The following LRRC57 variants were observed in gnomAD, a reference collection of about 807,000 sequenced individuals.
The protein encoded by LRRC57 is leucine-rich repeat-containing protein 57.
In LRRC57, 14 loss-of-function variants were observed where a neutral mutation model predicts 23.1. That is an observed-to-expected ratio of 0.61 (90% CI 0.40 to 0.95). The LOEUF (loss-of-function observed/expected upper bound fraction) is 0.95, where lower values mean the gene tolerates loss of function less well. LRRC57 is among the 40% of genes least tolerant of loss of function. The pLI, the probability that LRRC57 is intolerant of heterozygous loss-of-function variation, is 0.00. For missense variants in LRRC57, 236 were observed against 284.4 expected (o/e 0.83, Z 1.22); for synonymous variants, 106 against 115.2 (o/e 0.92, Z 0.51).
chr15:42,536,157 CCATAA>C (rs76399891), downstream of LRRC57, among the ~76,000 whole-genome samples: 24,595 of 152,016 alleles, frequency 0.16, 2,214 homozygotes, highest in African/African-American at 0.24. Context: ...TCACAGATCA[CCATAA>C]CATATCATAA....
chr15:42,531,535 T>A, the LRRC57 span: 1 of 1,357,272 alleles, frequency 7.4e-7, no homozygotes, highest in Non-Finnish European at 1.0e-6. Context: ...CCTTGAAAGT[T>A]ATTACCTTTT....
Position 42,541,605 on chromosome 15 carries a change from T to C in LRRC57, c.*2478A>G, listed in dbSNP as rs1050927975. 1 of 152,204 alleles carries C rather than the reference T, an allele frequency of 6.6e-6. No individual in the cohort carries two copies. Among genetic ancestry groups the C allele is most frequent in the Non-Finnish European group, 1.5e-5 (1 of 68,026 alleles). The allele number at this position is 152,204 out of a possible 1,614,324, so 9.4% of individuals were successfully genotyped here. ...AGGTTTGTGTGATCTCTTGACTTAA[T>C]GGATAAGCTAGGTTTAACCATTATT... On this transcript the variant is annotated 3_prime_UTR_variant, in exon 6 of 6. Coordinates refer to ENST00000397130, the MANE Select transcript of LRRC57 (RefSeq NM_153260.3).
chr15:42,548,661 G>C, intron 1 of LRRC57, 32 bp downstream of exon 1: 1 of 622,720 alleles, frequency 1.6e-6, no homozygotes, highest in Admixed American at 2.9e-5. Context: ...GCCTCTGGGA[G>C]CCTACGGAAG....
Position 42,543,869 on chromosome 15 carries a change from C to T in LRRC57, c.*214G>A, listed in dbSNP as rs770070921. On this transcript the variant is annotated 3_prime_UTR_variant, in exon 6 of 6. Coordinates refer to ENST00000397130, the MANE Select transcript of LRRC57 (RefSeq NM_153260.3). ...CTATTGCCCTACTCATGACTCAAAA[C>T]GGAAGACTTTTCCTGTCTCCTGATC... 4.5e-6 allele frequency: 2 copies of T among 444,222 alleles called. No homozygotes were observed. The highest frequency in any genetic ancestry group is 3.6e-5 in the Admixed American group (1 of 28,106). The allele number at this position is 444,222 out of a possible 1,614,324, so 27.5% of individuals were successfully genotyped here. A position where few individuals can be genotyped will look rare whatever the true frequency, so the allele number is the denominator to read the frequency against.
chr15:42,544,836 C>CTATATAT (rs1256583979), intron 5 of LRRC57, among the ~76,000 whole-genome samples: 2 of 103,680 alleles, frequency 1.9e-5, no homozygotes, highest in African/African-American at 1.1e-4. Context: ...CACACACACA[C>CTATATAT]ACACACTATA....
chr15:42,537,078 G>C (rs951483225), downstream of LRRC57, among the ~76,000 whole-genome samples: 1 of 152,026 alleles, frequency 6.6e-6, no homozygotes, highest in Non-Finnish European at 1.5e-5. Context: ...CAGACATCCT[G>C]AACTCAGTTG....
rs750150624 is a variant in LRRC57 at position 42,545,100 on chromosome 15, G to A, written c.655C>T (p.Arg219Ter). 6 of 1,600,290 alleles carry A rather than the reference G, an allele frequency of 3.7e-6. No homozygotes were observed. The highest frequency in any genetic ancestry group is 1.8e-5 in the Admixed American group (1 of 56,912). Residue 219 changes from arginine to a stop codon, truncating the protein, a stop_gained, in exon 5 of 6, where the codon CGA becomes TGA. Transcript: ENST00000397130. LOFTEE classifies it high-confidence loss of function. ...ACCTTATCATAGCCTTCCAGTTCTC[G>A]AAGTTTCTTTATTTCAAAAAGATTG... ...EGNLFEIKKL[R>*]ELEGYDKYME...
At position 42,539,498 on chromosome 15, in the gene LRRC57, A is replaced by AAAAAAG. The variant is rs61281988; in HGVS notation, c.*4584_*4585insCTTTTT. 9 of 149,044 alleles carry AAAAAAG rather than the reference A, an allele frequency of 6.0e-5. No individual in the cohort carries two copies. Among genetic ancestry groups the AAAAAAG allele is most frequent in the Non-Finnish European group, 1.2e-4 (8 of 67,244 alleles). 9.2% of individuals were successfully genotyped at this position (149,044 alleles called of 1,614,324 possible). On this transcript the variant is annotated 3_prime_UTR_variant, in exon 6 of 6. Transcript: ENST00000397130. ...GTCTCAAAAAAAAAAAAAAAAAAAAAGAGACTTAAAAGCCAGGCAGTGGCT... is the reference window on the plus strand; with the variant it reads ...GTCTCAAAAAAAAAAAAAAAAAAAAAAAAAAGGAGACTTAAAAGCCAGGCAGTGGCT...
At chr15:42,534,514 A>T (rs78109618), downstream of LRRC57, among the ~76,000 whole-genome samples, 77 of 151,908 alleles carry the variant, frequency 5.1e-4, no homozygotes, top group East Asian at 0.012. Context: ...TGGTATCTTG[A>T]CCTCCTTTCA....
chr15:42,529,232 C>G, the LRRC57 span, among the ~76,000 whole-genome samples: 1 of 152,106 alleles, frequency 6.6e-6, no homozygotes, highest in Non-Finnish European at 1.5e-5. Context: ...CAGATTTGGT[C>G]CTTGGGCCGT....
Position 42,543,981 on chromosome 15 carries a change from A to C in LRRC57, c.*102T>G. On this transcript the variant is annotated 3_prime_UTR_variant, in exon 6 of 6. Coordinates refer to ENST00000397130, the MANE Select transcript of LRRC57 (RefSeq NM_153260.3). ...TAATCTCCTGAAGTATCATCTCCTT[A>C]CTGTAGATACCCCTAACAACAACAG... 1 of 802,762 alleles carries C rather than the reference A, an allele frequency of 1.2e-6. No homozygotes were observed. The highest frequency in any genetic ancestry group is 2.1e-6 in the Non-Finnish European group (1 of 476,554). 49.7% of individuals were successfully genotyped at this position (802,762 alleles called of 1,614,324 possible).
rs1404346323 is a variant in LRRC57, at chr15:42,540,181, G to C, written c.*3902C>G. 6.8e-6 allele frequency: 1 copy of C among 146,460 alleles called. No homozygotes were observed. The highest frequency in any genetic ancestry group is 2.6e-5 in the African/African-American group (1 of 38,636). The allele number at this position is 146,460 out of a possible 1,614,324, so 9.1% of individuals were successfully genotyped here. On this transcript the variant is annotated 3_prime_UTR_variant, in exon 6 of 6. Transcript: ENST00000397130. The stretch of plus-strand genomic sequence containing the variant: ...ATTGTACTCCAGCGTGGGCAAGAGT[G>C]AGCCTCTGGACCAAAAAAAAAAAAA...
chr15:42,545,552 G>A (rs775098228), intron 4 of LRRC57: 3 of 199,320 alleles, frequency 1.5e-5, no homozygotes, highest in African/African-American at 2.3e-5. Flanking sequence ...GAAAATTTGA[G>A]AATCACAGGT....
At chr15:42,529,374 A>C in the LRRC57 span, among the ~76,000 whole-genome samples, 3 of 152,196 alleles carry the variant, frequency 2.0e-5, no homozygotes, top group Admixed American at 2.0e-4. Flanking sequence ...TAGGTCTGGA[A>C]TGGAGTGTGA....
the LRRC57 span, chr15:42,531,264 C>G: frequency 2.1e-6 from 1 of 480,790 alleles, no homozygotes; most frequent in East Asian, 3.3e-5. Flanking sequence ...ATTTCATATT[C>G]TGTTACTTCT....
chr15:42,537,504 G>A (rs2057606784), downstream of LRRC57, among the ~76,000 whole-genome samples: 1 of 152,022 alleles, frequency 6.6e-6, no homozygotes, highest in Non-Finnish European at 1.5e-5. Flanking sequence ...ACTAAAAATG[G>A]AATTACCATA....
chr15:42,548,037 G>A, intron 3 of LRRC57, 69 bp downstream of exon 3: 1 of 1,554,232 alleles, frequency 6.4e-7, no homozygotes, highest in Non-Finnish European at 8.8e-7. Context: ...ACAAAAATCA[G>A]CTTGTAAGAG....
chr15:42,528,347 C>T, the LRRC57 span: 1 of 1,614,132 alleles, frequency 6.2e-7, no homozygotes, highest in Non-Finnish European at 8.5e-7. Context: ...AGTATCTAAA[C>T]AGCCAGGCCC....
chr15:42,531,850 T>G, the LRRC57 span: 1 of 159,202 alleles, frequency 6.3e-6, no homozygotes, highest in South Asian at 2.0e-4. Context: ...TTATTTTTGC[T>G]TTTGTGGTTG....
Sources: gnomAD v4.1 joint callset for allele counts (sites outside exome capture counted in the v4.1 genomes callset) on GRCh38, gnomAD v4.1.1 for gene constraint, MANE v1.5 for transcripts, NCBI Gene and HGNC (gene_info 2026-07-23, HGNC 2026-07-21) for gene names.